Variants in LRRTM4 observed in about 807,000 individuals in gnomAD.
LRRTM4 encodes the protein leucine-rich repeat transmembrane neuronal protein 4.
In LRRTM4, 25 loss-of-function variants were observed where a neutral mutation model predicts 47.6. The observed-to-expected ratio is 0.53, with a 90% CI of 0.38 to 0.73. The LOEUF (loss-of-function observed/expected upper bound fraction) is 0.73, where lower values mean the gene tolerates loss of function less well. Among genes scored for constraint, LRRTM4 ranks in the 30% least tolerant of loss-of-function variants. The pLI is 0.00. For synonymous variants in LRRTM4, 311 were observed against 269.5 expected (o/e 1.15, Z -1.51); for missense variants, 638 against 713.4 (o/e 0.89, Z 1.20).
At chr2:77,219,925 C>T (rs1308094989) in intron 3 of LRRTM4, among the ~76,000 whole-genome samples, 2 of 152,148 alleles carry the variant, frequency 1.3e-5, no homozygotes, top group East Asian at 1.9e-4. Flanking sequence ...GGGTCCCTGA[C>T]CCCCGAGTAG....
intron 3 of LRRTM4, among the ~76,000 whole-genome samples, chr2:77,238,834 C>T (rs1675182801): frequency 6.6e-6 from 1 of 151,652 alleles, no homozygotes; most frequent in African/African-American, 2.4e-5. Flanking sequence ...AAATGTCAAA[C>T]CAGGGTACTA....
At chr2:77,205,635 C>T (rs1674103037) in intron 3 of LRRTM4, among the ~76,000 whole-genome samples, 1 of 152,102 alleles carries the variant, frequency 6.6e-6, no homozygotes, top group African/African-American at 2.4e-5. Flanking sequence ...AAGGACAATC[C>T]AGGGCCTTTG....
intron 3 of LRRTM4, among the ~76,000 whole-genome samples, chr2:77,289,745 A>AT (rs1364582982): frequency 2.0e-5 from 3 of 152,054 alleles, no homozygotes; most frequent in Non-Finnish European, 2.9e-5. Flanking sequence ...TGCCAATTTA[A>AT]TTGTTTGAAA....
rs147452977 is a variant in LRRTM4, at chr2:77,270,312, G to A, written c.1551+248006C>T. On this transcript the variant is annotated intron_variant, in intron 3 of 3. Transcript: ENST00000409884. The stretch of plus-strand genomic sequence containing the variant: ...CTCTCGGTTTGCCAAAGAAGGTTGT[G>A]AAATTGTATCCTCTTGCCCTTTCTT... Among the ~76,000 whole-genome samples, 664 of 152,238 alleles carry A rather than the reference G, an allele frequency of 4.4e-3. 6 individuals are homozygous for A. Among genetic ancestry groups the A allele is most frequent in the African/African-American group, 0.015 (612 of 41,538 alleles).
chr2:77,145,503 TCATGCTTGTAATCC>T, intron 3 of LRRTM4, among the ~76,000 whole-genome samples: 1 of 151,944 alleles, frequency 6.6e-6, no homozygotes, highest in East Asian at 1.9e-4. Context: ...GCATGGTAGC[TCATGCTTGTAATCC>T]CAGCACTTTG....
chr2:77,170,243 G>T (rs1250405734), intron 3 of LRRTM4, among the ~76,000 whole-genome samples: 2 of 152,138 alleles, frequency 1.3e-5, no homozygotes, highest in Non-Finnish European at 2.9e-5. Flanking sequence ...TTAAAGAGAT[G>T]TATGTGAGAA....
At chr2:77,260,407 G>GTGTA (rs142372987) in intron 3 of LRRTM4, among the ~76,000 whole-genome samples, 6,242 of 151,240 alleles carry the variant, frequency 0.041, 450 homozygotes, top group African/African-American at 0.14. Context: ...GTGTGTGTGT[G>GTGTA]TGTGTGTAGA....
intron 3 of LRRTM4, among the ~76,000 whole-genome samples, chr2:76,812,089 G>GTGCT (rs1670751176): frequency 1.3e-5 from 2 of 152,116 alleles, no homozygotes; most frequent in African/African-American, 4.8e-5. Flanking sequence ...GATAGATGGA[G>GTGCT]TTATTTGAAC....
intron 3 of LRRTM4, among the ~76,000 whole-genome samples, chr2:77,259,245 T>C (rs935343923): frequency 2.8e-4 from 43 of 152,062 alleles, no homozygotes; most frequent in African/African-American, 9.9e-4. Flanking sequence ...CTGTATGACA[T>C]TGAGCAAATT....
intron 3 of LRRTM4, among the ~76,000 whole-genome samples, chr2:77,349,558 A>G (rs542510275): frequency 2.9e-4 from 44 of 152,100 alleles, no homozygotes; most frequent in African/African-American, 1.0e-3. Context: ...TTGTTTTTTC[A>G]TTGGGAAGGG....
intron 3 of LRRTM4, among the ~76,000 whole-genome samples, chr2:77,500,966 G>T (rs1678551257): frequency 6.6e-6 from 1 of 151,246 alleles, no homozygotes; most frequent in African/African-American, 2.4e-5. Context: ...TATTTTTTGA[G>T]AAGAAAATAT....
Position 76,748,499 on chromosome 2 carries a change from C to T in LRRTM4, c.*196G>A. ...AAAGCAAAGAAAGTTCTGCAGTCCT[C>T]CCGGTAATGCTGCAGGTGCATTCGC... is the stretch of plus-strand genomic sequence containing the variant. On this transcript the variant is annotated 3_prime_UTR_variant, in exon 4 of 4. Transcript: ENST00000409884. 1 of 585,936 alleles carries T rather than the reference C, an allele frequency of 1.7e-6. No homozygotes were observed. The highest frequency in any genetic ancestry group is 3.0e-6 in the Non-Finnish European group (1 of 330,368). The allele number at this position is 585,936 out of a possible 1,614,324, so 36.3% of individuals were successfully genotyped here.
At chr2:76,922,037 C>CAT (rs1286719365) in intron 3 of LRRTM4, among the ~76,000 whole-genome samples, 2 of 152,026 alleles carry the variant, frequency 1.3e-5, no homozygotes, top group East Asian at 1.9e-4. Flanking sequence ...AGAAATGTGA[C>CAT]ATATACATAA....
At chr2:77,043,173 A>G (rs948218050) in intron 3 of LRRTM4, among the ~76,000 whole-genome samples, 2 of 151,694 alleles carry the variant, frequency 1.3e-5, no homozygotes, top group Non-Finnish European at 2.9e-5. Context: ...ATTGCTGTAT[A>G]AGTGGATGTG....
intron 3 of LRRTM4, among the ~76,000 whole-genome samples, chr2:77,323,171 A>G (rs962286607): frequency 6.6e-6 from 1 of 152,008 alleles, no homozygotes; most frequent in African/African-American, 2.4e-5. Context: ...TTGTCATATG[A>G]CAATCTCCTG....
At chr2:77,411,609 T>C (rs370987207) in intron 3 of LRRTM4, among the ~76,000 whole-genome samples, 25 of 141,150 alleles carry the variant, frequency 1.8e-4, no homozygotes, top group East Asian at 1.5e-3. Context: ...CCCGCCACCA[T>C]GCCCGGCTAT....
intron 3 of LRRTM4, among the ~76,000 whole-genome samples, chr2:76,964,185 T>G (rs1474414706): frequency 6.6e-6 from 1 of 150,980 alleles, no homozygotes; most frequent in East Asian, 1.9e-4. Context: ...AGCACTTCAC[T>G]TTAGTTGGAG....
chr2:76,752,292 C>A (rs986749372), intron 3 of LRRTM4, among the ~76,000 whole-genome samples: 4 of 152,098 alleles, frequency 2.6e-5, no homozygotes, highest in Admixed American at 6.6e-5. Context: ...TGGGAGATAA[C>A]AATTTCATAG....
intron 3 of LRRTM4, among the ~76,000 whole-genome samples, chr2:77,438,315 TG>T (rs1675686366): frequency 6.6e-6 from 1 of 151,996 alleles, no homozygotes; most frequent in Non-Finnish European, 1.5e-5. Flanking sequence ...AATCATATTT[TG>T]TGAAGAGGGT....
Sources: allele counts gnomAD v4.1 joint callset (sites outside exome capture counted in the v4.1 genomes callset), GRCh38; gene constraint gnomAD v4.1.1; transcripts MANE v1.5; gene names NCBI Gene and HGNC (gene_info 2026-07-23, HGNC 2026-07-21).